HSD17B2: variants seen among roughly 807,000 people sequenced by gnomAD.
HSD17B2 encodes the protein hydroxysteroid 17-beta dehydrogenase 2.
Under a neutral mutation model 26.9 loss-of-function variants are expected in HSD17B2, and 32 were observed. The ratio of observed to expected loss-of-function variants is 1.19; its 90% CI spans 0.90 to 1.60. The LOEUF (loss-of-function observed/expected upper bound fraction) is 1.60. Among genes scored for constraint, HSD17B2 ranks in the 40% most tolerant of loss-of-function variants. The probability of loss-of-function intolerance (pLI) is 0.00; values close to 1 mark genes in which losing one functional copy is unlikely to be tolerated. For missense variants in HSD17B2, 613 were observed against 468.6 expected (o/e 1.31, Z -2.85); for synonymous variants, 246 against 186.7 (o/e 1.32, Z -2.59).
At chr16:82,076,115 A>G (rs1904299656) in intron 3 of HSD17B2, among the ~76,000 whole-genome samples, 1 of 152,210 alleles carries the variant, frequency 6.6e-6, no homozygotes, top group African/African-American at 2.4e-5. Context: ...TCTCAACAGA[A>G]TGAAGGACAA....
chr16:82,098,196 AT>A lies in HSD17B2; in HGVS notation c.926del (p.Leu309Ter). 7 of 1,614,118 alleles carry A rather than the reference AT, an allele frequency of 4.3e-6. No homozygotes were observed. The highest frequency in any genetic ancestry group is 5.9e-6 in the Non-Finnish European group (7 of 1,180,002). ...TCTTAGCACAGCGGAATTTCCTCCTATTGATCAACTCGTTAGCCAGCAAGGA... is the reference window on the plus strand; with the variant it reads ...TCTTAGCACAGCGGAATTTCCTCCTATGATCAACTCGTTAGCCAGCAAGGA... ...YILAQRNFLLLINSLASKDFS... is the reference protein window; with the variant it reads ...YILAQRNFLLXINSLASKDFS... On this transcript the variant is annotated frameshift_variant, in exon 5 of 5. Transcript: ENST00000199936. LOFTEE classifies it low-confidence loss of function (END_TRUNC).
At chr16:82,089,271 G>C (rs950811157) in intron 3 of HSD17B2, among the ~76,000 whole-genome samples, 3 of 152,180 alleles carry the variant, frequency 2.0e-5, no homozygotes, top group Admixed American at 1.3e-4. Flanking sequence ...ATTGTTTTGA[G>C]ACATCCATAT....
At chr16:82,079,309 G>A (rs1444437503) in intron 3 of HSD17B2, among the ~76,000 whole-genome samples, 2 of 152,176 alleles carry the variant, frequency 1.3e-5, no homozygotes, top group Non-Finnish European at 2.9e-5. Flanking sequence ...TCACAGTTGT[G>A]GAGGCTGGAA....
intron 3 of HSD17B2, among the ~76,000 whole-genome samples, chr16:82,072,927 T>G (rs8191181): frequency 0.025 from 3,780 of 152,202 alleles, 164 homozygotes; most frequent in African/African-American, 0.085. Context: ...AAACCAGGCA[T>G]TGTGGCATGT....
intron 4 of HSD17B2, chr16:82,092,366 A>G (rs1005813649): frequency 6.6e-6 from 1 of 152,188 alleles, no homozygotes; most frequent in East Asian, 1.9e-4. Flanking sequence ...CTCAGTCTTC[A>G]GTTCTGGGCC....
intron 1 of HSD17B2, among the ~76,000 whole-genome samples, chr16:82,054,630 C>G (rs563988798): frequency 1.3e-5 from 2 of 152,208 alleles, no homozygotes; most frequent in Non-Finnish European, 2.9e-5. Context: ...CAGGCGTGAG[C>G]CACCGGGCTC....
intron 3 of HSD17B2, among the ~76,000 whole-genome samples, chr16:82,075,280 C>T (rs896368604): frequency 5.9e-5 from 9 of 151,922 alleles, no homozygotes; most frequent in African/African-American, 2.2e-4. Context: ...CCTAGTGATG[C>T]ATCTCAAAAA....
intron 1 of HSD17B2, among the ~76,000 whole-genome samples, chr16:82,048,532 A>T (rs1914006837): frequency 6.6e-6 from 1 of 152,200 alleles, no homozygotes; most frequent in Non-Finnish European, 1.5e-5. Flanking sequence ...CATGAAGATC[A>T]AAAGAAAAAG....
intron 1 of HSD17B2, among the ~76,000 whole-genome samples, chr16:82,036,746 G>C (rs990142956): frequency 6.6e-6 from 1 of 152,154 alleles, no homozygotes; most frequent in African/African-American, 2.4e-5. Flanking sequence ...ATTTTTGAAA[G>C]TTTAGAGGGA....
chr16:82,047,201 T>C (rs1052207296), intron 1 of HSD17B2, among the ~76,000 whole-genome samples: 5 of 152,370 alleles, frequency 3.3e-5, no homozygotes, highest in Middle Eastern at 3.4e-3. Context: ...TCTGTGCTCA[T>C]GAAGCTTGTC....
At position 82,068,417 on chromosome 16, in the gene HSD17B2, C is replaced by T. The variant is rs374879779; in HGVS notation, c.478+35C>T. ...CCAGCACCCTCAGTGCCTTTACCCT[C>T]CTCCTGAATGCCCAGCTCTTGTTCC... is the stretch of plus-strand genomic sequence containing the variant. On this transcript the variant is annotated intron_variant, in intron 2 of 4. Coordinates refer to ENST00000199936, the MANE Select transcript of HSD17B2 (RefSeq NM_002153.3). 2.3e-5 allele frequency: 36 copies of T among 1,537,730 alleles called. 1 individual carries two copies. The highest frequency in any genetic ancestry group is 8.9e-6 in the Non-Finnish European group (10 of 1,124,706).
At chr16:82,051,650 T>C (rs1274956422) in intron 1 of HSD17B2, among the ~76,000 whole-genome samples, 1 of 152,068 alleles carries the variant, frequency 6.6e-6, no homozygotes, top group Admixed American at 6.6e-5. Flanking sequence ...GACGAGTTGA[T>C]AGGTGAAGCA....
intron 1 of HSD17B2, among the ~76,000 whole-genome samples, chr16:82,054,979 C>G (rs937546628): frequency 6.6e-5 from 10 of 152,168 alleles, no homozygotes; most frequent in African/African-American, 2.4e-4. Flanking sequence ...CCAGATGGTT[C>G]TTTTTGGTGG....
In HSD17B2 at chr16:82,060,734, C is replaced by A. The variant is rs188212553; in HGVS notation, c.266-7436C>A. On this transcript the variant is annotated intron_variant, in intron 1 of 4. Transcript: ENST00000199936. Reference sequence around the variant, plus strand: ...CCTCTGAAGATACCAACCCCGTAAGCACCTCCACCTTAAGCTGCTGGTAGT... The same window carrying A: ...CCTCTGAAGATACCAACCCCGTAAGAACCTCCACCTTAAGCTGCTGGTAGT... Among the ~76,000 whole-genome samples, 341 of 152,290 alleles carry A rather than the reference C, an allele frequency of 2.2e-3. 2 individuals are homozygous for A. Among genetic ancestry groups the A allele is most frequent in the African/African-American group, 7.9e-3 (328 of 41,556 alleles).
At chr16:82,097,591 C>G (rs1464713998) in intron 4 of HSD17B2, 1 of 152,058 alleles carries the variant, frequency 6.6e-6, no homozygotes, top group African/African-American at 2.4e-5. Flanking sequence ...GTGCACTTTT[C>G]TGTATGTAGG....
rs368582212 is a variant in HSD17B2, at chr16:82,086,188, A to G, written c.665-4714A>G. ...AACTCACTCATACATAGATGGGCATAGCAACATTATTCACAATAGCCAAAG... is the reference window on the plus strand; with the variant it reads ...AACTCACTCATACATAGATGGGCATGGCAACATTATTCACAATAGCCAAAG... On this transcript the variant is annotated intron_variant, in intron 3 of 4. Transcript: ENST00000199936. Among the ~76,000 whole-genome samples, 4 of 152,362 alleles carry G rather than the reference A, an allele frequency of 2.6e-5. No homozygotes were observed. In the South Asian group the frequency reaches 6.2e-4, roughly 24 times the overall value.
At chr16:82,071,240 G>T (rs1423681567) in intron 3 of HSD17B2, 113 bp downstream of exon 3, 2 of 995,960 alleles carry the variant, frequency 2.0e-6, no homozygotes, top group Middle Eastern at 2.0e-4. Flanking sequence ...GTTGGGTCAG[G>T]ATTAGTCAAA....
At chr16:82,075,680 C>A (rs1206004291) in intron 3 of HSD17B2, among the ~76,000 whole-genome samples, 1 of 152,012 alleles carries the variant, frequency 6.6e-6, no homozygotes, top group Non-Finnish European at 1.5e-5. Flanking sequence ...GAATCCATAA[C>A]CTGAATGGAT....
At chr16:82,037,195 G>T (rs1259506727) in intron 1 of HSD17B2, among the ~76,000 whole-genome samples, 1 of 152,220 alleles carries the variant, frequency 6.6e-6, no homozygotes, top group Non-Finnish European at 1.5e-5. Context: ...TGGCAATGAA[G>T]AAAGCTTAGA....
Sources: allele counts gnomAD v4.1 joint callset (sites outside exome capture counted in the v4.1 genomes callset), GRCh38; gene constraint gnomAD v4.1.1; transcripts MANE v1.5; gene names NCBI Gene and HGNC (gene_info 2026-07-23, HGNC 2026-07-21).